The following PACRG variants were observed in gnomAD, a reference collection of about 807,000 sequenced individuals.
The protein encoded by PACRG is parkin coregulated gene protein.
Under a neutral mutation model 29.7 loss-of-function variants are expected in PACRG, and 29 were observed. The ratio of observed to expected loss-of-function variants is 0.98; its 90% CI spans 0.73 to 1.33. The LOEUF (loss-of-function observed/expected upper bound fraction) is 1.33. PACRG is among the 40% of genes most tolerant of loss of function. The pLI is 0.00. For synonymous variants in PACRG, 116 were observed against 118.7 expected (o/e 0.98, Z 0.15); for missense variants, 279 against 316.2 (o/e 0.88, Z 0.89).
At chr6:163,284,432 G>A (rs1198696126) in intron 4 of PACRG, among the ~76,000 whole-genome samples, 1 of 152,252 alleles carries the variant, frequency 6.6e-6, no homozygotes, top group Non-Finnish European at 1.5e-5. Flanking sequence ...TGCACATGCT[G>A]AAGAACAGTG....
At position 162,782,343 on chromosome 6, in the gene PACRG, T is replaced by C. The variant is rs558809370; in HGVS notation, c.157-31804T>C. Among the ~76,000 whole-genome samples, 20 of 152,040 alleles carry C rather than the reference T, an allele frequency of 1.3e-4. 1 individual carries two copies. The East Asian group carries it at 3.9e-3, about 29-fold the overall frequency. On this transcript the variant is annotated intron_variant, in intron 1 of 4. Transcript: ENST00000366888. ...AGTAGATAGAAACTTAGTAAGGATG[T>C]AGGCAATTATTATAACAAACATTTT...
intron 2 of PACRG, among the ~76,000 whole-genome samples, chr6:162,973,561 TA>T: frequency 6.6e-6 from 1 of 152,362 alleles, no homozygotes; most frequent in African/African-American, 2.4e-5. Flanking sequence ...ATTTTGTCTT[TA>T]AAGTTCTAAG....
chr6:162,795,006 C>T (rs1026765105), intron 1 of PACRG, among the ~76,000 whole-genome samples: 4 of 149,826 alleles, frequency 2.7e-5, no homozygotes, highest in African/African-American at 4.9e-5. Context: ...GTGGGGAGAC[C>T]GTTATTTTAA....
chr6:163,147,762 AG>A (rs1252834594), intron 4 of PACRG, among the ~76,000 whole-genome samples: 1 of 152,178 alleles, frequency 6.6e-6, no homozygotes. Flanking sequence ...CCTCTTGCAC[AG>A]CCTTTCTTTT....
chr6:162,966,477 ATT>A (rs67914954), intron 2 of PACRG, among the ~76,000 whole-genome samples: 4,574 of 125,128 alleles, frequency 0.037, 107 homozygotes, highest in African/African-American at 0.065. Context: ...AATGACATGT[ATT>A]TTTTTTTTTT....
intron 1 of PACRG, among the ~76,000 whole-genome samples, chr6:162,758,845 T>G (rs1369733466): frequency 6.6e-6 from 1 of 152,192 alleles, no homozygotes; most frequent in Non-Finnish European, 1.5e-5. Flanking sequence ...GAATTGAAAA[T>G]AAGCCATTTT....
chr6:163,302,247 T>TG (rs1785031911), intron 4 of PACRG, among the ~76,000 whole-genome samples: 1 of 129,260 alleles, frequency 7.7e-6, no homozygotes, highest in Non-Finnish European at 1.7e-5. Flanking sequence ...TTTTTTTGTT[T>TG]GTTTTTTTTT....
intron 2 of PACRG, among the ~76,000 whole-genome samples, chr6:163,011,987 T>C (rs1301237687): frequency 2.0e-5 from 3 of 152,068 alleles, no homozygotes; most frequent in African/African-American, 4.8e-5. Context: ...CAGTGCCTTT[T>C]TCTGGATGCC....
At chr6:162,903,486 G>A (rs183811691) in intron 2 of PACRG, among the ~76,000 whole-genome samples, 311 of 152,036 alleles carry the variant, frequency 2.0e-3, no homozygotes, top group African/African-American at 3.5e-3. Flanking sequence ...ATGGCAGAAG[G>A]TGAAAGACAC....
intron 2 of PACRG, among the ~76,000 whole-genome samples, chr6:162,883,200 T>A (rs550249504): frequency 0.16 from 24,680 of 152,186 alleles, 2,166 homozygotes; most frequent in Middle Eastern, 0.2. Context: ...TTTTTAAAAA[T>A]GTGATTTCAC....
chr6:163,248,608 A>T (rs912291087), intron 4 of PACRG, among the ~76,000 whole-genome samples: 1 of 152,196 alleles, frequency 6.6e-6, no homozygotes, highest in Admixed American at 6.5e-5. Context: ...TTGCTTTCCC[A>T]TGAAGCCACA....
chr6:163,021,447 C>T (rs1368328188), intron 2 of PACRG, among the ~76,000 whole-genome samples: 1 of 152,150 alleles, frequency 6.6e-6, no homozygotes, highest in Non-Finnish European at 1.5e-5. Flanking sequence ...CTGTGCCTTC[C>T]CATCCTACTG....
chr6:162,847,532 G>T (rs577742204), intron 2 of PACRG, among the ~76,000 whole-genome samples: 6 of 150,934 alleles, frequency 4.0e-5, no homozygotes, highest in South Asian at 2.1e-4. Context: ...TGTGTGTATT[G>T]TTGAATGGAT....
At chr6:163,214,098 T>C (rs1248888744) in intron 4 of PACRG, among the ~76,000 whole-genome samples, 1 of 152,230 alleles carries the variant, frequency 6.6e-6, no homozygotes, top group African/African-American at 2.4e-5. Flanking sequence ...CGGTAGAGTA[T>C]TGTCCAATAG....
chr6:162,745,120 G>A (rs1351207369), intron 1 of PACRG, among the ~76,000 whole-genome samples: 7 of 152,000 alleles, frequency 4.6e-5, no homozygotes, highest in Middle Eastern at 3.2e-3. Flanking sequence ...AAAGATTCAG[G>A]AAGATATATA....
chr6:163,082,737 C>G (rs1813199959), intron 3 of PACRG, among the ~76,000 whole-genome samples: 1 of 152,058 alleles, frequency 6.6e-6, no homozygotes. Flanking sequence ...AAACATTTTC[C>G]TATTTTAAAC....
At chr6:163,231,160 G>C in intron 4 of PACRG, among the ~76,000 whole-genome samples, 1 of 152,188 alleles carries the variant, frequency 6.6e-6, no homozygotes, top group Non-Finnish European at 1.5e-5. Flanking sequence ...GCAGGCCCAC[G>C]GGGGAGCCGT....
intron 4 of PACRG, among the ~76,000 whole-genome samples, chr6:163,281,304 G>T (rs1784219486): frequency 6.6e-6 from 1 of 152,190 alleles, no homozygotes; most frequent in African/African-American, 2.4e-5. Context: ...AGGAAGAGCA[G>T]ATCATTGCCA....
chr6:162,801,529 T>C lies in PACRG; in HGVS notation c.157-12618T>C, dbSNP rs148003974. Among the ~76,000 whole-genome samples, 759 of 152,372 alleles carry C rather than the reference T, an allele frequency of 5.0e-3. 5 individuals carry two copies. Among genetic ancestry groups the C allele is most frequent in the African/African-American group, 0.017 (714 of 41,592 alleles). ...TGTGATCATCAAAAGGCAATGGTAA[T>C]TTAAATGTAATTTATTATAATATGC... On this transcript the variant is annotated intron_variant, in intron 1 of 4. Coordinates refer to ENST00000366888, the MANE Select transcript of PACRG (RefSeq NM_001080379.2).
Sources: gnomAD v4.1 joint callset for allele counts (sites outside exome capture counted in the v4.1 genomes callset) on GRCh38, gnomAD v4.1.1 for gene constraint, MANE v1.5 for transcripts, NCBI Gene and HGNC (gene_info 2026-07-23, HGNC 2026-07-21) for gene names.